The following ZYG11B variants were observed in gnomAD, a reference collection of about 807,000 sequenced individuals.
The protein encoded by ZYG11B is protein zyg-11 homolog B.
In ZYG11B, 36 loss-of-function variants were observed where a neutral mutation model predicts 82.4. The observed-to-expected ratio is 0.44, with a 90% CI of 0.33 to 0.58. The LOEUF (loss-of-function observed/expected upper bound fraction) is 0.58, where lower values mean the gene tolerates loss of function less well. Among genes scored for constraint, ZYG11B ranks in the 20% least tolerant of loss-of-function variants. The pLI is 0.02. For synonymous variants in ZYG11B, 303 were observed against 312.8 expected (o/e 0.97, Z 0.33); for missense variants, 552 against 895.6 (o/e 0.62, Z 4.90).
intron 10 of ZYG11B, among the ~76,000 whole-genome samples, chr1:52,811,016 C>T (rs977560531): frequency 6.3e-5 from 9 of 142,500 alleles, no homozygotes; most frequent in Non-Finnish European, 1.2e-4. Flanking sequence ...CCTGAGCGAC[C>T]GAGCAAGGCT....
intron 3 of ZYG11B, among the ~76,000 whole-genome samples, chr1:52,776,229 A>AAAAAAAAAAATATATATATATATATAT: frequency 1.3e-4 from 3 of 23,536 alleles, no homozygotes; most frequent in Admixed American, 8.1e-4. Context: ...TAAAAAAAAA[A>AAAAAAAAAAATATATATATATATATAT]ATATATATAT....
chr1:52,818,880 A>G (rs767124892), intron 13 of ZYG11B, among the ~76,000 whole-genome samples: 4 of 148,862 alleles, frequency 2.7e-5, no homozygotes, highest in Admixed American at 6.8e-5. Context: ...CACAACCTAC[A>G]CCTCCCAGAT....
chr1:52,803,249 CATAT>C (rs202177836), intron 10 of ZYG11B, among the ~76,000 whole-genome samples: 7 of 44,394 alleles, frequency 1.6e-4, no homozygotes, highest in South Asian at 6.9e-4. Flanking sequence ...TACACACACA[CATAT>C]ATATATATAT....
At chr1:52,767,132 GTTATTTTATGTTGTTTTGTTATT>G (rs1400068277) in intron 2 of ZYG11B, among the ~76,000 whole-genome samples, 2 of 141,406 alleles carry the variant, frequency 1.4e-5, no homozygotes, top group Non-Finnish European at 3.1e-5. Context: ...ATTTTATTTT[GTTATTTTATGTTGTTTTGTTATT>G]TTATTTTATG....
chr1:52,764,290 A>AT (rs35314526), intron 2 of ZYG11B, among the ~76,000 whole-genome samples: 255 of 141,818 alleles, frequency 1.8e-3, no homozygotes, highest in Middle Eastern at 7.1e-3. Flanking sequence ...TGCCTGGCTA[A>AT]TTTTTTTTTT....
chr1:52,751,912 T>C (rs1255512258), intron 1 of ZYG11B, among the ~76,000 whole-genome samples: 2 of 151,848 alleles, frequency 1.3e-5, no homozygotes, highest in Non-Finnish European at 2.9e-5. Flanking sequence ...GAAAACAAAC[T>C]GTTTTCTCCT....
intron 2 of ZYG11B, among the ~76,000 whole-genome samples, chr1:52,757,741 G>C (rs1177349193): frequency 6.6e-6 from 1 of 151,946 alleles, no homozygotes; most frequent in African/African-American, 2.4e-5. Context: ...GATTATTACT[G>C]TTATGGAAAA....
intron 1 of ZYG11B, among the ~76,000 whole-genome samples, chr1:52,734,805 C>A (rs1558115070): frequency 6.6e-6 from 1 of 151,936 alleles, no homozygotes; most frequent in African/African-American, 2.4e-5. Context: ...CTGGGCTCAA[C>A]ACAACGTCCA....
chr1:52,800,871 T>C (rs1333262117), intron 8 of ZYG11B, among the ~76,000 whole-genome samples: 3 of 152,148 alleles, frequency 2.0e-5, no homozygotes, highest in African/African-American at 7.2e-5. Flanking sequence ...TACATGTTTA[T>C]GTTTCTTCAG....
Position 52,822,198 on chromosome 1 carries a change from A to C in ZYG11B, c.*569A>C, listed in dbSNP as rs1404762368. 1 of 152,266 alleles carries C rather than the reference A, an allele frequency of 6.6e-6. No individual in the cohort carries two copies. The highest frequency in any genetic ancestry group is 1.9e-4 in the East Asian group (1 of 5,198). The allele number at this position is 152,266 out of a possible 1,614,324, so 9.4% of individuals were successfully genotyped here. On this transcript the variant is annotated 3_prime_UTR_variant, in exon 14 of 14. Coordinates refer to ENST00000294353, the MANE Select transcript of ZYG11B (RefSeq NM_024646.3). ...GATATATGAGAAAGAAAAATTATGA[A>C]GGTAGAACAGAGTGTAGGAACTGGG... is the stretch of plus-strand genomic sequence containing the variant.
chr1:52,729,834 G>T (rs965740027), intron 1 of ZYG11B, among the ~76,000 whole-genome samples: 2 of 152,010 alleles, frequency 1.3e-5, no homozygotes, highest in Admixed American at 1.3e-4. Context: ...TTTGAGGCAG[G>T]GTCTTGCTCT....
chr1:52,821,575 G>A lies in ZYG11B; in HGVS notation c.2181G>A (p.Val727=). Reference sequence around the variant, plus strand: ...TGGATAGCTTAGAAAAACACATTGTGCGCCATGGGAGGCCACCTCCCTGTA... The same window carrying A: ...TGGATAGCTTAGAAAAACACATTGTACGCCATGGGAGGCCACCTCCCTGTA... The part of the protein sequence containing the change: ...AILDSLEKHI[V]RHGRPPPCKK... The change falls in exon 14 of 14, where the codon GTG becomes GTA. Residue 727 remains valine, a synonymous_variant. Coordinates refer to ENST00000294353, the MANE Select transcript of ZYG11B (RefSeq NM_024646.3). 6.2e-7 allele frequency: 1 copy of A among 1,614,052 alleles called. No homozygotes were observed. The highest frequency in any genetic ancestry group is 8.5e-7 in the Non-Finnish European group (1 of 1,179,986).
At chr1:52,728,183 G>A (rs887128197) in intron 1 of ZYG11B, among the ~76,000 whole-genome samples, 3 of 152,096 alleles carry the variant, frequency 2.0e-5, no homozygotes, top group Admixed American at 1.3e-4. Flanking sequence ...TCACTTTATG[G>A]TCTCATTTCC....
At chr1:52,759,480 C>CT (rs998207377) in intron 2 of ZYG11B, among the ~76,000 whole-genome samples, 2 of 152,180 alleles carry the variant, frequency 1.3e-5, no homozygotes, top group Admixed American at 1.3e-4. Context: ...AGAGTAATGT[C>CT]TTTGAGAAGC....
intron 1 of ZYG11B, among the ~76,000 whole-genome samples, chr1:52,744,766 C>T (rs751341737): frequency 6.6e-6 from 1 of 152,156 alleles, no homozygotes; most frequent in South Asian, 2.1e-4. Flanking sequence ...CTCTTGAACC[C>T]GGGAGGCGGA....
intron 8 of ZYG11B, among the ~76,000 whole-genome samples, chr1:52,799,715 A>C (rs548393014): frequency 6.6e-6 from 1 of 151,966 alleles, no homozygotes; most frequent in Non-Finnish European, 1.5e-5. Context: ...GAATCGCTTG[A>C]ATCGGGAAGG....
At chr1:52,785,743 C>T (rs1055318385) in intron 5 of ZYG11B, among the ~76,000 whole-genome samples, 1 of 152,172 alleles carries the variant, frequency 6.6e-6, no homozygotes, top group Non-Finnish European at 1.5e-5. Flanking sequence ...CCACCTCACC[C>T]GGCCCTTAAC....
chr1:52,750,390 A>G (rs1218865638), intron 1 of ZYG11B, among the ~76,000 whole-genome samples: 1 of 151,906 alleles, frequency 6.6e-6, no homozygotes, highest in East Asian at 1.9e-4. Flanking sequence ...CTCCTGCCTC[A>G]GCCTGCTGAA....
At chr1:52,819,064 A>T (rs1645258642) in intron 13 of ZYG11B, among the ~76,000 whole-genome samples, 1 of 152,192 alleles carries the variant, frequency 6.6e-6, no homozygotes, top group Non-Finnish European at 1.5e-5. Flanking sequence ...GGCATGAGCC[A>T]CCGCACCCAG....
Sources: gnomAD v4.1 joint callset for allele counts (sites outside exome capture counted in the v4.1 genomes callset) on GRCh38, gnomAD v4.1.1 for gene constraint, MANE v1.5 for transcripts, NCBI Gene and HGNC (gene_info 2026-07-23, HGNC 2026-07-21) for gene names.